The following ADGRL3 variants were observed in gnomAD, a reference collection of about 807,000 sequenced individuals.
ADGRL3 encodes the protein calcium-independent alpha-latrotoxin receptor 3.
Under a neutral mutation model 153.5 loss-of-function variants are expected in ADGRL3, and 62 were observed. The observed-to-expected ratio is 0.40, with a 90% CI of 0.33 to 0.50. ADGRL3 has a LOEUF of 0.50. ADGRL3 is among the 20% of genes least tolerant of loss of function. The probability of loss-of-function intolerance (pLI) is 0.47; values close to 1 mark genes in which losing one functional copy is unlikely to be tolerated. For missense variants in ADGRL3, 1,641 were observed against 1,859.4 expected (o/e 0.88, Z 2.16); for synonymous variants, 710 against 672.5 (o/e 1.06, Z -0.86).
intron 6 of ADGRL3, among the ~76,000 whole-genome samples, chr4:61,683,811 C>T (rs1580265523): frequency 6.6e-6 from 1 of 152,028 alleles, no homozygotes; most frequent in African/African-American, 2.4e-5. Flanking sequence ...TAGGCATTTG[C>T]CTGCCTCCTG....
intron 17 of ADGRL3, among the ~76,000 whole-genome samples, chr4:61,977,033 C>A (rs2099050528): frequency 6.6e-6 from 1 of 152,036 alleles, no homozygotes. Flanking sequence ...ATTTTTTGTT[C>A]TATGTTTGAG....
chr4:62,043,355 G>A (rs1163562928), intron 24 of ADGRL3, among the ~76,000 whole-genome samples: 2 of 151,994 alleles, frequency 1.3e-5, no homozygotes, highest in East Asian at 1.9e-4. Flanking sequence ...TAAAACAAAT[G>A]TGAGAGACTG....
In ADGRL3 at chr4:62,070,497, A is replaced by G; in HGVS notation, c.4221A>G (p.Arg1407=). 6.5e-7 allele frequency: 1 copy of G among 1,546,424 alleles called. No homozygotes were observed. The highest frequency in any genetic ancestry group is 1.2e-5 in the South Asian group (1 of 83,706). The part of the protein sequence containing the change: ...EESDAPLLPP[R]VYSTENHQPH... ...CTGATGCTCCTTTGCTGCCCCCAAG[A>G]GTATACTCCACCGAGAACCACCAGC... is the stretch of plus-strand genomic sequence containing the variant. The change falls in exon 27 of 27, where the codon AGA becomes AGG. Residue 1407 remains arginine, a synonymous_variant. Coordinates refer to ENST00000683033, the MANE Select transcript of ADGRL3 (RefSeq NM_001387552.1).
intron 3 of ADGRL3, among the ~76,000 whole-genome samples, chr4:61,512,409 T>C (rs1425102763): frequency 2.0e-5 from 3 of 152,158 alleles, no homozygotes; most frequent in Non-Finnish European, 4.4e-5. Context: ...CAAAATTTCT[T>C]AGCCATCTTG....
intron 3 of ADGRL3, among the ~76,000 whole-genome samples, chr4:61,506,478 C>T (rs1560749707): frequency 6.6e-6 from 1 of 152,006 alleles, no homozygotes; most frequent in Non-Finnish European, 1.5e-5. Context: ...TTAGGACTCG[C>T]CCACTGGACT....
rs1435605106 is a variant in ADGRL3, at chr4:62,049,944, A to AATT, written c.3814+5405_3814+5407dup. The stretch of plus-strand genomic sequence containing the variant: ...TTGCTTACAGCAGGGCCTGGAACGT[A>AATT]ATTATTATTATTGTTTTATTCAGAA... On this transcript the variant is annotated intron_variant, in intron 25 of 26. Coordinates refer to ENST00000683033, the MANE Select transcript of ADGRL3 (RefSeq NM_001387552.1). 6.6e-5 allele frequency among the ~76,000 whole-genome samples: 10 copies of AATT among 152,220 alleles called. No homozygotes were observed. In the South Asian group the frequency reaches 1.0e-3, roughly 16 times the overall value.
intron 2 of ADGRL3, among the ~76,000 whole-genome samples, chr4:61,422,805 A>G (rs2097222002): frequency 6.7e-6 from 1 of 148,908 alleles, no homozygotes; most frequent in African/African-American, 2.6e-5. Flanking sequence ...ATATATAAAT[A>G]GATAAAAAAT....
chr4:61,845,747 C>T (rs147375699), intron 9 of ADGRL3, among the ~76,000 whole-genome samples: 163 of 152,140 alleles, frequency 1.1e-3, no homozygotes, highest in South Asian at 1.9e-3. Context: ...GTATTATTAA[C>T]GCTTAATGAC....
At chr4:61,302,171 G>T (rs912353319) in intron 1 of ADGRL3, among the ~76,000 whole-genome samples, 1 of 152,112 alleles carries the variant, frequency 6.6e-6, no homozygotes, top group African/African-American at 2.4e-5. Context: ...CTGATGAGAT[G>T]AATTTTTGTT....
intron 1 of ADGRL3, among the ~76,000 whole-genome samples, chr4:61,284,436 T>C (rs996009073): frequency 6.6e-6 from 1 of 151,920 alleles, no homozygotes; most frequent in African/African-American, 2.4e-5. Flanking sequence ...TTTCTTGTTT[T>C]ATAATTGCCT....
Position 61,517,524 on chromosome 4 carries a change from G to T in ADGRL3, c.259+6G>T. On this transcript the variant is annotated splice_donor_region_variant and intron_variant, in intron 4 of 26. Coordinates refer to ENST00000683033, the MANE Select transcript of ADGRL3 (RefSeq NM_001387552.1). ...AGCACAGATTGCAGCGCAAGGTGCG[G>T]CCAGCGGTGGGGAGAGAGGGCTGGG... 1.4e-6 allele frequency: 1 copy of T among 704,282 alleles called. No homozygotes were observed. The highest frequency in any genetic ancestry group is 2.6e-6 in the Non-Finnish European group (1 of 387,490). The allele number at this position is 704,282 out of a possible 1,614,324, so 43.6% of individuals were successfully genotyped here.
chr4:61,567,202 T>C (rs1341661984), intron 4 of ADGRL3, among the ~76,000 whole-genome samples: 1 of 152,228 alleles, frequency 6.6e-6, no homozygotes, highest in East Asian at 1.9e-4. Flanking sequence ...TTGTCAGTCA[T>C]ACAGTTAGCT....
rs539986075 is a variant in ADGRL3, at chr4:61,890,983, GTA to G, written c.1481-1670_1481-1669del. 2.6e-5 allele frequency among the ~76,000 whole-genome samples: 4 copies of G among 151,884 alleles called. No individual in the cohort carries two copies. In the South Asian group the frequency reaches 6.2e-4, roughly 24 times the overall value. ...TATATATTAGAGACATTTTTATTGTGTATAGTTTTAAGCTTTCAATTGCACTT... is the reference window on the plus strand; with the variant it reads ...TATATATTAGAGACATTTTTATTGTGTAGTTTTAAGCTTTCAATTGCACTT... On this transcript the variant is annotated intron_variant, in intron 9 of 26. Transcript: ENST00000683033.
chr4:61,534,421 C>T (rs1282432961), intron 4 of ADGRL3, among the ~76,000 whole-genome samples: 1 of 152,032 alleles, frequency 6.6e-6, no homozygotes, highest in Non-Finnish European at 1.5e-5. Context: ...GCTATTCAGC[C>T]TCTTTTTTGA....
At chr4:61,253,741 ATATT>A (rs1457976921) in intron 1 of ADGRL3, among the ~76,000 whole-genome samples, 1 of 152,088 alleles carries the variant, frequency 6.6e-6, no homozygotes, top group Non-Finnish European at 1.5e-5. Flanking sequence ...AGGATTAAGT[ATATT>A]TATAGCCTTT....
chr4:62,017,032 A>G (rs866778355), intron 21 of ADGRL3, among the ~76,000 whole-genome samples: 10 of 151,916 alleles, frequency 6.6e-5, no homozygotes, highest in African/African-American at 1.7e-4. Context: ...TTGCATGTTG[A>G]TCTTATATCT....
chr4:61,573,838 A>G (rs968972645), intron 4 of ADGRL3, among the ~76,000 whole-genome samples: 1 of 152,006 alleles, frequency 6.6e-6, no homozygotes, highest in Non-Finnish European at 1.5e-5. Flanking sequence ...AAGCATAGTG[A>G]CTGTGAAATA....
At chr4:61,369,973 A>G (rs1426707133) in intron 1 of ADGRL3, among the ~76,000 whole-genome samples, 11 of 151,850 alleles carry the variant, frequency 7.2e-5, no homozygotes, top group Non-Finnish European at 1.2e-4. Context: ...TGTATGTGTC[A>G]AGGAATTTAT....
intron 3 of ADGRL3, among the ~76,000 whole-genome samples, chr4:61,506,313 G>A (rs1025550326): frequency 1.3e-5 from 2 of 152,004 alleles, no homozygotes; most frequent in Non-Finnish European, 2.9e-5. Flanking sequence ...CAAATGTTCT[G>A]AATAGTAAGC....
Sources: allele counts gnomAD v4.1 joint callset (sites outside exome capture counted in the v4.1 genomes callset), GRCh38; gene constraint gnomAD v4.1.1; transcripts MANE v1.5; gene names NCBI Gene and HGNC (gene_info 2026-07-23, HGNC 2026-07-21).